The following NFKBIA variants were observed in gnomAD, a reference collection of about 807,000 sequenced individuals.
NFKBIA encodes the protein NFKB inhibitor alpha.
NFKBIA carries 10 observed loss-of-function variants against 36.3 expected under a neutral mutation model. That is an observed-to-expected ratio of 0.28 (90% CI 0.17 to 0.47). The LOEUF (loss-of-function observed/expected upper bound fraction) is 0.47, where lower values mean the gene tolerates loss of function less well. Among genes scored for constraint, NFKBIA ranks in the 20% least tolerant of loss-of-function variants. The probability of loss-of-function intolerance (pLI) is 0.99; values close to 1 mark genes in which losing one functional copy is unlikely to be tolerated. For missense variants in NFKBIA, 355 were observed against 399.3 expected (o/e 0.89, Z 0.94); for synonymous variants, 205 against 164.4 (o/e 1.25, Z -1.89).
Position 35,404,734 on chromosome 14 carries a change from C to CGGCACGGA in NFKBIA, c.-98_-91dup. On this transcript the variant is annotated 5_prime_UTR_variant, in exon 1 of 6. Transcript: ENST00000216797. ...GCTGGGGCGCTGGCGGGCGGGACGG[C>CGGCACGGA]GGCACGGACTGCTGTGGGCTCTGCA... 1 of 913,094 alleles carries CGGCACGGA rather than the reference C, an allele frequency of 1.1e-6. No homozygotes were observed. Among genetic ancestry groups the CGGCACGGA allele is most frequent in the East Asian group, 3.4e-5 (1 of 29,736 alleles). The allele number at this position is 913,094 out of a possible 1,614,324, so 56.6% of individuals were successfully genotyped here.
rs771971092 is a variant in NFKBIA at position 35,404,401 on chromosome 14, G to A, written c.227+17C>T. The A allele has an allele frequency of 3.5e-6, 2 of 567,550 alleles. No homozygotes were observed. The highest frequency in any genetic ancestry group is 8.8e-5 in the East Asian group (1 of 11,370). The allele number at this position is 567,550 out of a possible 1,614,324, so 35.2% of individuals were successfully genotyped here. On this transcript the variant is annotated intron_variant, in intron 1 of 5. Coordinates refer to ENST00000216797, the MANE Select transcript of NFKBIA (RefSeq NM_020529.3). ...CGCCCTCCCGACGACCCCCAGCCCC[G>A]GGCCTCCGCCACTTACGAGTCCCCG... is the stretch of plus-strand genomic sequence containing the variant.
In NFKBIA at chr14:35,402,056, G is replaced by A; in HGVS notation, c.911C>T (p.Pro304Leu). 6.2e-7 allele frequency: 1 copy of A among 1,614,010 alleles called. No homozygotes were observed. Among genetic ancestry groups the A allele is most frequent in the Non-Finnish European group, 8.5e-7 (1 of 1,180,014 alleles). ...GCCTCCAAACACACAGTCATCATAG[G>A]GCAGCTGAAAACAAGGGGAAAAAAG... Reference protein sequence around the residue: ...EFTEFTEDELPYDDCVFGGQR... With the variant: ...EFTEFTEDELLYDDCVFGGQR... Residue 304 changes from proline (P) to leucine (L), a missense_variant, in exon 6 of 6, where the codon CCC becomes CTC. Transcript: ENST00000216797.
chr14:35,403,416 A>G, intron 2 of NFKBIA, 56 bp from the exon 3 acceptor site: 1 of 1,582,438 alleles, frequency 6.3e-7, no homozygotes, highest in Non-Finnish European at 8.7e-7. Context: ...CCACACCCCG[A>G]GTTCCCCTCA....
In NFKBIA at chr14:35,401,587, A is replaced by G. The variant is rs536430863; in HGVS notation, c.*426T>C. ...TTACCAACAATACATTATGTACACCATTTACAGGAGGGTAACACAAACCTT... is the reference window on the plus strand; with the variant it reads ...TTACCAACAATACATTATGTACACCGTTTACAGGAGGGTAACACAAACCTT... On this transcript the variant is annotated 3_prime_UTR_variant, in exon 6 of 6. Transcript: ENST00000216797. The G allele has an allele frequency of 4.8e-5, 14 of 289,632 alleles. No homozygotes were observed. Among genetic ancestry groups the G allele is most frequent in the South Asian group, 1.8e-4 (3 of 16,554 alleles). The allele number at this position is 289,632 out of a possible 1,614,324, so 17.9% of individuals were successfully genotyped here. A position where few individuals can be genotyped will look rare whatever the true frequency, so the allele number is the denominator to read the frequency against.
intron 3 of NFKBIA, 48 bp from the exon 4 acceptor site, chr14:35,402,907 C>G (rs371434241): frequency 7.5e-4 from 1,145 of 1,518,804 alleles, no homozygotes; most frequent in Non-Finnish European, 1.0e-3. Context: ...TCAACCCTCA[C>G]TCCTTTCACC....
Position 35,403,352 on chromosome 14 carries a change from G to A in NFKBIA, c.345C>T (p.Leu115=). Residue 115 remains leucine, a synonymous_variant, in exon 3 of 6, where the codon CTC becomes CTT. Transcript: ENST00000216797. ...GCTGGTTGGTGATCACAGCCAAGTG[G>A]AGTGGAGTCTACGAATGCAAGAGAG... ...NFQNNLQQTP[L]HLAVITNQPE... 6.2e-7 allele frequency: 1 copy of A among 1,614,052 alleles called. No homozygotes were observed.
At chr14:35,403,014 T>C (rs1372385166) in intron 3 of NFKBIA, 136 bp downstream of exon 3, 17 of 1,260,024 alleles carry the variant, frequency 1.3e-5, no homozygotes, top group Non-Finnish European at 1.8e-5. Flanking sequence ...ATAGGCACTT[T>C]GCACACATAT....
rs770506950 is a variant in NFKBIA, at chr14:35,403,802, T to G, written c.228-4A>C. ...GATGATGGCCAAGTGCAGGAACCTG[T>G]GGGGAAGAGAGGGAAAAACCCCAGG... On this transcript the variant is annotated splice_region_variant and splice_polypyrimidine_tract_variant and intron_variant, in intron 1 of 5. Coordinates refer to ENST00000216797, the MANE Select transcript of NFKBIA (RefSeq NM_020529.3). 6.2e-7 allele frequency: 1 copy of G among 1,610,402 alleles called. No individual in the cohort carries two copies. The highest frequency in any genetic ancestry group is 1.1e-5 in the South Asian group (1 of 90,688).
Position 35,402,670 on chromosome 14 carries a change from C to G in NFKBIA, c.637-7G>C, listed in dbSNP as rs1254515625. On this transcript the variant is annotated splice_region_variant and splice_polypyrimidine_tract_variant and intron_variant, in intron 4 of 5. Coordinates refer to ENST00000216797, the MANE Select transcript of NFKBIA (RefSeq NM_020529.3). ...TCCGGCCATTACAGGGCTCCTGAAA[C>G]CAAAAGGAATTTGAGATGCTTATGG... 1 of 1,614,202 alleles carries G rather than the reference C, an allele frequency of 6.2e-7. No homozygotes were observed. The highest frequency in any genetic ancestry group is 8.5e-7 in the Non-Finnish European group (1 of 1,180,044).
At chr14:35,403,464 AG>A in intron 2 of NFKBIA, 104 bp from the exon 3 acceptor site, 5 of 1,291,228 alleles carry the variant, frequency 3.9e-6, no homozygotes, top group Non-Finnish European at 5.5e-6. Context: ...CCTCCTAGAC[AG>A]GGGGGTGGGG....
Position 35,404,403 on chromosome 14 carries a change from G to C in NFKBIA, c.227+15C>G. 6.4e-7 allele frequency: 1 copy of C among 1,557,176 alleles called. No individual in the cohort carries two copies. The highest frequency in any genetic ancestry group is 8.6e-7 in the Non-Finnish European group (1 of 1,156,190). On this transcript the variant is annotated intron_variant, in intron 1 of 5. Transcript: ENST00000216797. ...CCCTCCCGACGACCCCCAGCCCCGG[G>C]CCTCCGCCACTTACGAGTCCCCGTC...
chr14:35,401,877 C>T lies in NFKBIA; in HGVS notation c.*136G>A, dbSNP rs1033208645. 19 of 926,794 alleles carry T rather than the reference C, an allele frequency of 2.1e-5. No homozygotes were observed. Among genetic ancestry groups the T allele is most frequent in the African/African-American group, 1.0e-4 (6 of 58,870 alleles). 57.4% of individuals were successfully genotyped at this position (926,794 alleles called of 1,614,324 possible). On this transcript the variant is annotated 3_prime_UTR_variant, in exon 6 of 6. Transcript: ENST00000216797. ...GAGGGCTGATCCTACCACAATAAGA[C>T]GTTTTGGGCCAGGCAGTGTGCAGTG... is the stretch of plus-strand genomic sequence containing the variant.
At chr14:35,404,374 C>G (rs2138833875) in intron 1 of NFKBIA, 44 bp downstream of exon 1, 58 of 486,118 alleles carry the variant, frequency 1.2e-4, no homozygotes, top group Non-Finnish European at 2.0e-4. Context: ...CCGCGCGCGT[C>G]CCGCCCTCCC....
rs11569620 is a variant in NFKBIA, at chr14:35,401,750, C to A, written c.*263G>T. On this transcript the variant is annotated 3_prime_UTR_variant, in exon 6 of 6. Transcript: ENST00000216797. Reference sequence around the variant, plus strand: ...GGTCCTTCCATGAAATTTTTGATAACCTTCTCCAAAAACCCCACAAAGGTG... The same window carrying A: ...GGTCCTTCCATGAAATTTTTGATAAACTTCTCCAAAAACCCCACAAAGGTG... The A allele has an allele frequency of 1.1e-3, 601 of 528,830 alleles. 1 individual carries two copies. The highest frequency in any genetic ancestry group is 1.8e-3 in the Non-Finnish European group (544 of 297,090). The allele number at this position is 528,830 out of a possible 1,614,324, so 32.8% of individuals were successfully genotyped here. A position where few individuals can be genotyped will look rare whatever the true frequency, so the allele number is the denominator to read the frequency against.
At position 35,404,466 on chromosome 14, in the gene NFKBIA, G is replaced by A. The variant is rs371482940; in HGVS notation, c.179C>T (p.Pro60Leu). The stretch of plus-strand genomic sequence containing the variant: ...CTGCTTCCAGGGCTCCGAGCCGCGC[G>A]GCACCTCCTGCGGCTCGAGGCGGAT... Reference protein sequence around the residue: ...QEIRLEPQEVPRGSEPWKQQL... With the variant: ...QEIRLEPQEVLRGSEPWKQQL... The change falls in exon 1 of 6, where the codon CCG (proline) becomes CTG (leucine). Residue 60 changes from proline to leucine, a missense_variant. Transcript: ENST00000216797. The A allele has an allele frequency of 3.5e-5, 56 of 1,592,724 alleles. No individual in the cohort carries two copies. The highest frequency in any genetic ancestry group is 2.3e-4 in the East Asian group (10 of 43,210).
intron 5 of NFKBIA, 123 bp from the exon 6 acceptor site, chr14:35,402,183 T>C: frequency 7.8e-7 from 1 of 1,285,402 alleles, no homozygotes; most frequent in East Asian, 2.3e-5. Context: ...CCAAATATAA[T>C]GAACTTTACA....
At chr14:35,402,886 A>G (rs2052743400) in intron 3 of NFKBIA, 27 bp from the exon 4 acceptor site, 1 of 1,602,904 alleles carries the variant, frequency 6.2e-7, no homozygotes, top group Admixed American at 1.7e-5. Context: ...AAAAAAGTAT[A>G]ACCACCTGTT....
In NFKBIA at chr14:35,401,923, A is replaced by C; in HGVS notation, c.*90T>G. On this transcript the variant is annotated 3_prime_UTR_variant, in exon 6 of 6. Transcript: ENST00000216797. ...CAGTGTGGATATAAGTACACCCTTT[A>C]AATTTTTTCTTCTTTTTTCTTTTTT... The C allele has an allele frequency of 1.3e-6, 2 of 1,482,278 alleles. No individual in the cohort carries two copies. Among genetic ancestry groups the C allele is most frequent in the South Asian group, 2.3e-5 (2 of 86,428 alleles). The allele number at this position is 1,482,278 out of a possible 1,614,324, so 91.8% of individuals were successfully genotyped here.
Position 35,403,228 on chromosome 14 carries a change from G to C in NFKBIA, c.469C>G (p.Leu157Val). Residue 157 changes from leucine to valine, a missense_variant, in exon 3 of 6, where the codon CTG (leucine) becomes GTG (valine). Coordinates refer to ENST00000216797, the MANE Select transcript of NFKBIA (RefSeq NM_020529.3). ...PLHLACEQGC[L>V]ASVGVLTQSC... ...TGAGTCAGGACTCCCACGCTGGCCAGGCAGCCCTGCTCACAGGCAAGGTGT... is the reference window on the plus strand; with the variant it reads ...TGAGTCAGGACTCCCACGCTGGCCACGCAGCCCTGCTCACAGGCAAGGTGT... 3.1e-6 allele frequency: 5 copies of C among 1,613,020 alleles called. No individual in the cohort carries two copies. The highest frequency in any genetic ancestry group is 4.2e-6 in the Non-Finnish European group (5 of 1,180,012).
Sources: allele counts gnomAD v4.1 joint callset, GRCh38; gene constraint gnomAD v4.1.1; transcripts MANE v1.5; gene names NCBI Gene and HGNC (gene_info 2026-07-23, HGNC 2026-07-21).